The following UBE3D variants were observed in gnomAD, a reference collection of about 807,000 sequenced individuals.
The protein encoded by UBE3D is E3 ubiquitin-protein ligase E3D.
UBE3D carries 48 observed loss-of-function variants against 49.6 expected under a neutral mutation model. The observed-to-expected ratio is 0.97, with a 90% CI of 0.77 to 1.23. The LOEUF is 1.23. Ranked by LOEUF, UBE3D falls within the 50% of genes most tolerant of loss-of-function variation. The probability of loss-of-function intolerance (pLI) is 0.00; values close to 1 mark genes in which losing one functional copy is unlikely to be tolerated. For synonymous variants in UBE3D, 189 were observed against 174.2 expected (o/e 1.08, Z -0.67); for missense variants, 452 against 468.4 (o/e 0.96, Z 0.32).
At position 82,948,627 on chromosome 6, in the gene UBE3D, C is replaced by T. The variant is rs140412001; in HGVS notation, c.1149+8685G>A. On this transcript the variant is annotated intron_variant, in intron 9 of 9. Transcript: ENST00000369747. ...TTTAGAATTATCAATAAAATACTAG[C>T]AAACTGAATTCAATAACACATTAAA... Among the ~76,000 whole-genome samples, 367 of 151,964 alleles carry T rather than the reference C, an allele frequency of 2.4e-3. 1 individual carries two copies. Among genetic ancestry groups the T allele is most frequent in the Non-Finnish European group, 3.7e-3 (248 of 67,866 alleles).
intron 5 of UBE3D, among the ~76,000 whole-genome samples, chr6:83,029,745 C>A (rs13199345): frequency 0.1 from 15,256 of 152,236 alleles, 1,089 homozygotes; most frequent in Non-Finnish European, 0.15. Context: ...GTTGGGATAG[C>A]AGTCAATTGA....
intron 8 of UBE3D, among the ~76,000 whole-genome samples, chr6:82,988,544 T>A (rs1778680138): frequency 6.6e-6 from 1 of 152,120 alleles, no homozygotes; most frequent in South Asian, 2.1e-4. Flanking sequence ...TACAGCTGAA[T>A]GAATTTTGTC....
intron 8 of UBE3D, among the ~76,000 whole-genome samples, chr6:82,995,707 G>A (rs142939412): frequency 1.1e-3 from 167 of 152,218 alleles, no homozygotes; most frequent in African/African-American, 3.9e-3. Flanking sequence ...ACAGGTATGA[G>A]GAGAAAAACA....
chr6:82,966,986 C>T (rs574306668), intron 8 of UBE3D, among the ~76,000 whole-genome samples: 9 of 152,226 alleles, frequency 5.9e-5, no homozygotes, highest in African/African-American at 1.9e-4. Flanking sequence ...TAGTTCACCA[C>T]CTTAAAAATA....
At chr6:82,974,641 G>A (rs1268192669) in intron 8 of UBE3D, among the ~76,000 whole-genome samples, 1 of 152,026 alleles carries the variant, frequency 6.6e-6, no homozygotes, top group Non-Finnish European at 1.5e-5. Flanking sequence ...AAGGCTGACT[G>A]TATTACCTTG....
chr6:83,026,236 CA>C (rs1327294341), intron 5 of UBE3D, among the ~76,000 whole-genome samples: 1 of 151,982 alleles, frequency 6.6e-6, no homozygotes, highest in African/African-American at 2.4e-5. Flanking sequence ...ACTTCAAGCC[CA>C]GGAGTTTGAG....
chr6:82,940,223 C>T (rs1026104424), intron 9 of UBE3D, among the ~76,000 whole-genome samples: 4 of 152,182 alleles, frequency 2.6e-5, no homozygotes, highest in African/African-American at 9.7e-5. Flanking sequence ...TGAGACAATT[C>T]AGATTAGAGA....
At chr6:82,935,900 G>A (rs750865474) in intron 9 of UBE3D, among the ~76,000 whole-genome samples, 45 of 151,160 alleles carry the variant, frequency 3.0e-4, no homozygotes, top group Non-Finnish European at 1.2e-4. Context: ...TCAGTGACAG[G>A]AATACTACAG....
chr6:82,894,325 T>C (rs989226), intron 9 of UBE3D, among the ~76,000 whole-genome samples: 17,604 of 152,008 alleles, frequency 0.12, 1,291 homozygotes, highest in Admixed American at 0.26. Context: ...TGAAGGAACA[T>C]TGCTATCATA....
At chr6:82,883,849 C>CA in the UBE3D span, among the ~76,000 whole-genome samples, 67 of 151,568 alleles carry the variant, frequency 4.4e-4, no homozygotes, top group African/African-American at 1.4e-3. Context: ...GTAGAATAGG[C>CA]AAAAAAAAGT....
chr6:82,893,507 TA>T (rs1480383032), intron 9 of UBE3D, among the ~76,000 whole-genome samples: 1 of 152,028 alleles, frequency 6.6e-6, no homozygotes, highest in Non-Finnish European at 1.5e-5. Flanking sequence ...AACCTAGAGT[TA>T]AAAAAAATTA....
In UBE3D at chr6:82,917,785, G is replaced by A. The variant is rs1021173895; in HGVS notation, c.1150-24743C>T. ...GAAGCACAAACTTAAAGAGTCTGAT[G>A]TAAGAAAAACCTCAACACAGAACTC... On this transcript the variant is annotated intron_variant, in intron 9 of 9. Coordinates refer to ENST00000369747, the MANE Select transcript of UBE3D (RefSeq NM_198920.3). 5.3e-5 allele frequency among the ~76,000 whole-genome samples: 8 copies of A among 152,168 alleles called. No homozygotes were observed. In the East Asian group the frequency reaches 1.5e-3, roughly 29 times the overall value.
intron 4 of UBE3D, among the ~76,000 whole-genome samples, chr6:83,040,401 CTCTATATATA>C (rs1475506903): frequency 7.3e-6 from 1 of 137,226 alleles, no homozygotes; most frequent in Non-Finnish European, 1.6e-5. Flanking sequence ...CTCTCTCTCT[CTCTATATATA>C]TATATATTCA....
At chr6:83,030,801 G>A (rs1356104643) in intron 5 of UBE3D, among the ~76,000 whole-genome samples, 2 of 152,136 alleles carry the variant, frequency 1.3e-5, no homozygotes, top group Non-Finnish European at 2.9e-5. Flanking sequence ...CTTGTTGAAT[G>A]GTTTTGGCCA....
chr6:82,928,893 T>A (rs1243881844), intron 9 of UBE3D, among the ~76,000 whole-genome samples: 1 of 152,148 alleles, frequency 6.6e-6, no homozygotes, highest in Non-Finnish European at 1.5e-5. Context: ...CTAACAAAGA[T>A]ATGCATAACA....
At chr6:82,949,320 AG>A (rs920322831) in intron 9 of UBE3D, among the ~76,000 whole-genome samples, 40 of 152,108 alleles carry the variant, frequency 2.6e-4, no homozygotes, top group African/African-American at 9.6e-4. Context: ...AGGAAATAAA[AG>A]ATCTCTACAA....
intron 8 of UBE3D, among the ~76,000 whole-genome samples, chr6:82,996,336 AAATAAATAAATAAAT>A (rs1333278168): frequency 8.6e-5 from 13 of 151,566 alleles, no homozygotes; most frequent in Non-Finnish European, 1.8e-4. Flanking sequence ...ATAAATAAAT[AAATAAATAAATAAAT>A]AAATAAAATC....
At chr6:82,907,586 G>C (rs1772193518) in intron 9 of UBE3D, among the ~76,000 whole-genome samples, 1 of 152,086 alleles carries the variant, frequency 6.6e-6, no homozygotes, top group South Asian at 2.1e-4. Flanking sequence ...AGAAGATAAA[G>C]CACATGAAAA....
chr6:82,911,195 G>GAAAAA (rs1320790836), intron 9 of UBE3D, among the ~76,000 whole-genome samples: 4 of 22,578 alleles, frequency 1.8e-4, no homozygotes, highest in Admixed American at 8.5e-4. Context: ...GAACATTTTG[G>GAAAAA]CAAAAAAAAA....
Sources: allele counts gnomAD v4.1 joint callset (sites outside exome capture counted in the v4.1 genomes callset), GRCh38; gene constraint gnomAD v4.1.1; transcripts MANE v1.5; gene names NCBI Gene and HGNC (gene_info 2026-07-23, HGNC 2026-07-21).